TMEM8B: variants seen among roughly 807,000 people sequenced by gnomAD.
TMEM8B encodes the protein transmembrane protein 8B.
A neutral mutation model predicts 49.3 loss-of-function variants in TMEM8B; 29 were observed. The observed-to-expected ratio is 0.59, with a 90% confidence interval of 0.44 to 0.80. TMEM8B has a LOEUF of 0.80. TMEM8B is among the 30% of genes least tolerant of loss of function. The pLI is 0.00. For missense variants in TMEM8B, 575 were observed against 658.5 expected, an observed-to-expected ratio of 0.87 and a Z score of 1.39; for synonymous variants, 264 against 272.8, an observed-to-expected ratio of 0.97 and a Z score of 0.32.
chr9:35,853,313 C>T lies in TMEM8B; in HGVS notation c.2439+56C>T. 2 of 1,512,166 alleles carry T rather than the reference C, an allele frequency of 1.3e-6. No individual in the cohort carries two copies. Among genetic ancestry groups the T allele is most frequent in the South Asian group, 1.1e-5 (1 of 88,312 alleles). 93.7% of individuals were successfully genotyped at this position (1,512,166 alleles called of 1,614,324 possible). Reference sequence around the variant, plus strand: ...TCCCAGCAGGACTTGGGTGCTGGGCCCCAGGTATCTGGTCCCCAGTTTAAG... The same window carrying T: ...TCCCAGCAGGACTTGGGTGCTGGGCTCCAGGTATCTGGTCCCCAGTTTAAG... On this transcript the variant is annotated intron_variant, in intron 12 of 12. Coordinates refer to ENST00000643932, the MANE Select transcript of TMEM8B (RefSeq NM_001042590.4). This position sits in a 1 kb window ranked among gnomAD's most constrained non-coding sequence, Gnocchi z 4.2.
Position 35,856,614 on chromosome 9 carries a change from A to T in TMEM8B, c.*2774A>T, listed in dbSNP as rs539608933. ...AGGACAAAGTGCAGTGACCACAGCT[A>T]TTGGAACATTTGAAAGAGAAATGGT... On this transcript the variant is annotated 3_prime_UTR_variant, in exon 13 of 13. Transcript: ENST00000643932. The T allele has an allele frequency of 3.9e-5, 6 of 152,350 alleles. No homozygotes were observed. Among genetic ancestry groups the T allele is most frequent in the African/African-American group, 1.4e-4 (6 of 41,572 alleles). The allele number at this position is 152,350 out of a possible 1,614,324, so 9.4% of individuals were successfully genotyped here. A position where few individuals can be genotyped will look rare whatever the true frequency, so the allele number is the denominator to read the frequency against.
chr9:35,856,607 C>T lies in TMEM8B; in HGVS notation c.*2767C>T, dbSNP rs769640847. ...ACCTTGGAGGACAAAGTGCAGTGACCACAGCTATTGGAACATTTGAAAGAG... is the reference window on the plus strand; with the variant it reads ...ACCTTGGAGGACAAAGTGCAGTGACTACAGCTATTGGAACATTTGAAAGAG... On this transcript the variant is annotated 3_prime_UTR_variant, in exon 13 of 13. Transcript: ENST00000643932. 6.6e-6 allele frequency: 1 copy of T among 152,230 alleles called. No homozygotes were observed. The highest frequency in any genetic ancestry group is 1.5e-5 in the Non-Finnish European group (1 of 68,034). The allele number at this position is 152,230 out of a possible 1,614,324, so 9.4% of individuals were successfully genotyped here. A position where few individuals can be genotyped will look rare whatever the true frequency, so the allele number is the denominator to read the frequency against.
At chr9:35,830,845 G>A (rs548037932) in intron 1 of TMEM8B, among the ~76,000 whole-genome samples, 11 of 152,338 alleles carry the variant, frequency 7.2e-5, no homozygotes, top group African/African-American at 2.4e-4. Flanking sequence ...AAGAGAGAGA[G>A]GTCCAATTTT....
Position 35,846,482 on chromosome 9 carries a change from C to G in TMEM8B, c.1867C>G (p.Arg623Gly), listed in dbSNP as rs1244101896. The G allele has an allele frequency of 6.3e-6, 10 of 1,598,722 alleles. No homozygotes were observed. The highest frequency in any genetic ancestry group is 1.3e-5 in the African/African-American group (1 of 74,840). ...GTTTGTGCGCAGGTTCGTGCGGTGC[C>G]GCAACGCGACGGCCGAGGTGCGGAT... is the stretch of plus-strand genomic sequence containing the variant. The part of the protein sequence containing the change: ...CGVGPRFVRC[R>G]NATAEVRMRT... Residue 623 changes from arginine to glycine, a missense_variant, in exon 9 of 13, where the codon CGC becomes GGC. Physicochemically the swap from Arg to Gly is moderately radical, Grantham distance 125. Coordinates refer to ENST00000643932, the MANE Select transcript of TMEM8B (RefSeq NM_001042590.4).
intron 10 of TMEM8B, among the ~76,000 whole-genome samples, chr9:35,851,350 G>A (rs568138238): frequency 4.7e-4 from 72 of 151,652 alleles, no homozygotes; most frequent in African/African-American, 1.6e-3. Flanking sequence ...TCACCATGTC[G>A]CCCAGGCTGG....
At chr9:35,840,080 A>T (rs1165409440) in intron 3 of TMEM8B, among the ~76,000 whole-genome samples, 1 of 152,112 alleles carries the variant, frequency 6.6e-6, no homozygotes. Context: ...CTTAACTGTG[A>T]GGTCTGTAGG....
rs1360029366 is a variant in TMEM8B at position 35,853,318 on chromosome 9, G to T, written c.2439+61G>T. On this transcript the variant is annotated intron_variant, in intron 12 of 12. Transcript: ENST00000643932. The surrounding 1 kb of genome is among the most constrained non-coding windows in gnomAD (Gnocchi z 4.2). Reference sequence around the variant, plus strand: ...GCAGGACTTGGGTGCTGGGCCCCAGGTATCTGGTCCCCAGTTTAAGGTGGG... The same window carrying T: ...GCAGGACTTGGGTGCTGGGCCCCAGTTATCTGGTCCCCAGTTTAAGGTGGG... 39 of 1,493,336 alleles carry T rather than the reference G, an allele frequency of 2.6e-5. No homozygotes were observed. The highest frequency in any genetic ancestry group is 3.1e-5 in the Non-Finnish European group (33 of 1,075,608). The allele number at this position is 1,493,336 out of a possible 1,614,324, so 92.5% of individuals were successfully genotyped here.
At chr9:35,847,195 C>A in intron 10 of TMEM8B, 200 bp downstream of exon 10, 1 of 1,562,490 alleles carries the variant, frequency 6.4e-7, no homozygotes, top group African/African-American at 1.4e-5. Context: ...AGTAAATGAA[C>A]AAAACTGTTT....
At chr9:35,834,242 T>A (rs553117755) in intron 1 of TMEM8B, among the ~76,000 whole-genome samples, 1 of 152,114 alleles carries the variant, frequency 6.6e-6, no homozygotes, top group East Asian at 1.9e-4. Context: ...AAAGGAGGGT[T>A]TTTTTGTTTT....
At chr9:35,848,434 A>G (rs928950083) in intron 10 of TMEM8B, among the ~76,000 whole-genome samples, 10 of 152,176 alleles carry the variant, frequency 6.6e-5, no homozygotes, top group Non-Finnish European at 1.3e-4. Flanking sequence ...TGTGATTCAT[A>G]ATTAGTAAGA....
At chr9:35,832,078 G>A (rs1344061803) in intron 1 of TMEM8B, among the ~76,000 whole-genome samples, 1 of 152,068 alleles carries the variant, frequency 6.6e-6, no homozygotes, top group Admixed American at 6.5e-5. Flanking sequence ...GGACTCACAC[G>A]TGCCTTGCTA....
chr9:35,853,010 C>A lies in TMEM8B; in HGVS notation c.2322+37C>A. ...GTGGGCCCTGGGGAACAACCATGGCCAAGTCTCCTTGAAATCCACTCCTGA... is the reference window on the plus strand; with the variant it reads ...GTGGGCCCTGGGGAACAACCATGGCAAAGTCTCCTTGAAATCCACTCCTGA... On this transcript the variant is annotated intron_variant, in intron 11 of 12. Transcript: ENST00000643932. The surrounding 1 kb of genome is among the most constrained non-coding windows in gnomAD (Gnocchi z 4.2). 6.2e-7 allele frequency: 1 copy of A among 1,613,568 alleles called. No individual in the cohort carries two copies. The highest frequency in any genetic ancestry group is 8.5e-7 in the Non-Finnish European group (1 of 1,179,602).
In TMEM8B at chr9:35,841,413, C is replaced by A. The variant is rs985042932; in HGVS notation, c.1041-113C>A. 9.7e-6 allele frequency: 4 copies of A among 410,650 alleles called. No homozygotes were observed. Among genetic ancestry groups the A allele is most frequent in the African/African-American group, 8.2e-5 (4 of 48,644 alleles). The allele number at this position is 410,650 out of a possible 1,614,324, so 25.4% of individuals were successfully genotyped here. A position where few individuals can be genotyped will look rare whatever the true frequency, so the allele number is the denominator to read the frequency against. Reference sequence around the variant, plus strand: ...CTCCCTCCCAGCACAGAGCGGGAGACCTGAACAGGCCTCCTTCCCACCCTA... The same window carrying A: ...CTCCCTCCCAGCACAGAGCGGGAGAACTGAACAGGCCTCCTTCCCACCCTA... On this transcript the variant is annotated intron_variant, in intron 4 of 12. Coordinates refer to ENST00000643932, the MANE Select transcript of TMEM8B (RefSeq NM_001042590.4). This position sits in a 1 kb window ranked among gnomAD's most constrained non-coding sequence, Gnocchi z 5.9.
intron 3 of TMEM8B, 24 bp downstream of exon 3, chr9:35,835,242 G>A (rs574458629): frequency 1.4e-5 from 6 of 415,110 alleles, no homozygotes; most frequent in East Asian, 3.6e-5. Context: ...GCCCAGGCTC[G>A]GGGGTCCAGA....
intron 10 of TMEM8B, among the ~76,000 whole-genome samples, chr9:35,848,122 G>T (rs915780920): frequency 6.6e-6 from 1 of 152,122 alleles, no homozygotes; most frequent in African/African-American, 2.4e-5. Context: ...GGAGAAAGCA[G>T]GGGCAAATGT....
Position 35,862,629 on chromosome 9 carries a change from G to A in TMEM8B, c.*8789G>A, listed in dbSNP as rs374720873. 219 of 152,372 alleles carry A rather than the reference G, an allele frequency of 1.4e-3. 6 individuals carry two copies. The South Asian group carries it at 0.043, about 30-fold the overall frequency. The allele number at this position is 152,372 out of a possible 1,614,324, so 9.4% of individuals were successfully genotyped here. A position where few individuals can be genotyped will look rare whatever the true frequency, so the allele number is the denominator to read the frequency against. ...GACCACTCCCTGTCTTTTGGACAAA[G>A]CCTGTGTGCTCCAGTCCCATCCCTC... On this transcript the variant is annotated 3_prime_UTR_variant, in exon 13 of 13. Transcript: ENST00000643932.
In TMEM8B at chr9:35,863,313, C is replaced by T. The variant is rs1832680903; in HGVS notation, c.*9473C>T. 1 of 152,236 alleles carries T rather than the reference C, an allele frequency of 6.6e-6. No individual in the cohort carries two copies. The highest frequency in any genetic ancestry group is 2.4e-5 in the African/African-American group (1 of 41,456). 9.4% of individuals were successfully genotyped at this position (152,236 alleles called of 1,614,324 possible). A position where few individuals can be genotyped will look rare whatever the true frequency, so the allele number is the denominator to read the frequency against. On this transcript the variant is annotated 3_prime_UTR_variant, in exon 13 of 13. Transcript: ENST00000643932. Reference sequence around the variant, plus strand: ...AGTCTCCTGTTTGCAGTAACACCTGCTCTTTCTGAAGAGCTACATCAGTAA... The same window carrying T: ...AGTCTCCTGTTTGCAGTAACACCTGTTCTTTCTGAAGAGCTACATCAGTAA...
chr9:35,859,095 G>A lies in TMEM8B; in HGVS notation c.*5255G>A. ...ACCTCCTCTCAGCAGAGTTAGGACGGCAGCTTTCACCTCTGCATTCCTCAG... is the reference window on the plus strand; with the variant it reads ...ACCTCCTCTCAGCAGAGTTAGGACGACAGCTTTCACCTCTGCATTCCTCAG... On this transcript the variant is annotated 3_prime_UTR_variant, in exon 13 of 13. Coordinates refer to ENST00000643932, the MANE Select transcript of TMEM8B (RefSeq NM_001042590.4). The A allele has an allele frequency of 6.5e-6, 1 of 154,860 alleles. No homozygotes were observed. Among genetic ancestry groups the A allele is most frequent in the South Asian group, 2.0e-4 (1 of 4,920 alleles). 9.6% of individuals were successfully genotyped at this position (154,860 alleles called of 1,614,324 possible).
At chr9:35,830,382 T>C (rs1413162838) in intron 1 of TMEM8B, among the ~76,000 whole-genome samples, 1 of 151,700 alleles carries the variant, frequency 6.6e-6, no homozygotes, top group Non-Finnish European at 1.5e-5. Context: ...TGAAGAAGAG[T>C]TTTAAAGATA....
Sources: allele counts gnomAD v4.1 joint callset (sites outside exome capture counted in the v4.1 genomes callset), GRCh38; gene constraint gnomAD v4.1.1; non-coding constraint Gnocchi (gnomAD v3.1); transcripts MANE v1.5; gene names NCBI Gene and HGNC (gene_info 2026-07-23, HGNC 2026-07-21).